The following CNTNAP2 variants were observed in gnomAD, a reference collection of about 807,000 sequenced individuals.
CNTNAP2 encodes contactin-associated protein-like 2.
In CNTNAP2, 98 loss-of-function variants were observed where a neutral mutation model predicts 155.2. The observed-to-expected ratio is 0.63, with a 90% CI of 0.54 to 0.75. The LOEUF (loss-of-function observed/expected upper bound fraction) is 0.75, where lower values mean the gene tolerates loss of function less well. Among genes scored for constraint, CNTNAP2 ranks in the 30% least tolerant of loss-of-function variants. The probability of loss-of-function intolerance (pLI) is 0.00; values close to 1 mark genes in which losing one functional copy is unlikely to be tolerated. For missense variants in CNTNAP2, 1,727 were observed against 1,688.1 expected (o/e 1.02, Z -0.40); for synonymous variants, 651 against 631.2 (o/e 1.03, Z -0.47).
chr7:147,172,638 C>T (rs149465134), intron 8 of CNTNAP2, among the ~76,000 whole-genome samples: 283 of 151,680 alleles, frequency 1.9e-3, no homozygotes, highest in African/African-American at 6.5e-3. Context: ...TAATTAGGCA[C>T]AAAGAGAAAA....
At chr7:147,894,904 G>T (rs1375953859) in intron 13 of CNTNAP2, among the ~76,000 whole-genome samples, 2 of 147,528 alleles carry the variant, frequency 1.4e-5, no homozygotes, top group Non-Finnish European at 3.0e-5. Context: ...CTTGTTATTG[G>T]TGAAAATAAA....
At position 146,861,604 on chromosome 7, in the gene CNTNAP2, G is replaced by T. The variant is rs560120912; in HGVS notation, c.402+21700G>T. Among the ~76,000 whole-genome samples, 4 of 151,894 alleles carry T rather than the reference G, an allele frequency of 2.6e-5. No homozygotes were observed. The East Asian group carries it at 5.8e-4, about 22-fold the overall frequency. On this transcript the variant is annotated intron_variant, in intron 3 of 23. Transcript: ENST00000361727. ...GATTGTGAATCCATCTCTTAGCAGG[G>T]GGTAACCATAAAATTCCCCTCCTAA...
intron 11 of CNTNAP2, among the ~76,000 whole-genome samples, chr7:147,537,920 G>A (rs770033185): frequency 2.6e-5 from 4 of 152,118 alleles, no homozygotes; most frequent in Non-Finnish European, 5.9e-5. Context: ...CATGCTGGAT[G>A]TTAACTAAAG....
intron 13 of CNTNAP2, among the ~76,000 whole-genome samples, chr7:147,850,772 C>G (rs1044688902): frequency 6.6e-6 from 1 of 152,232 alleles, no homozygotes; most frequent in Admixed American, 6.5e-5. Flanking sequence ...AAAATTAATT[C>G]AAGATGGATT....
intron 4 of CNTNAP2, among the ~76,000 whole-genome samples, chr7:147,057,506 G>A (rs189789910): frequency 1.3e-5 from 2 of 152,090 alleles, no homozygotes. Context: ...TGCCATCCTC[G>A]ACATTGTTGA....
chr7:148,126,039 G>A (rs1804710905), intron 16 of CNTNAP2, among the ~76,000 whole-genome samples: 2 of 152,112 alleles, frequency 1.3e-5, no homozygotes, highest in Non-Finnish European at 2.9e-5. Context: ...GATAATATTA[G>A]AGGTACGAAC....
Position 147,300,275 on chromosome 7 carries a change from A to G in CNTNAP2, c.1483A>G (p.Lys495Glu), listed in dbSNP as rs1163946721. The part of the protein sequence containing the change: ...NSPLQVKTGE[K>E]YFFGGFLNQM... ...TCCCCTTCAAGTTAAAACTGGCGAG[A>G]AGTACTTTTTTGGAGGTAAGAATGC... Residue 495 changes from lysine to glutamate, a missense_variant, in exon 9 of 24, where the codon AAG (lysine) becomes GAG (glutamate). Lys to Glu is a moderately conservative substitution (Grantham distance 56). Coordinates refer to ENST00000361727, the MANE Select transcript of CNTNAP2 (RefSeq NM_014141.6). The G allele has an allele frequency of 1.2e-6, 2 of 1,613,876 alleles. No homozygotes were observed. Among genetic ancestry groups the G allele is most frequent in the South Asian group, 1.1e-5 (1 of 91,082 alleles).
At chr7:146,945,966 C>T (rs573935278) in intron 3 of CNTNAP2, among the ~76,000 whole-genome samples, 47 of 152,222 alleles carry the variant, frequency 3.1e-4, no homozygotes, top group Admixed American at 9.8e-4. Context: ...CCATGGCCCA[C>T]CTTCTCCAAT....
chr7:147,856,956 A>G (rs1799049994), intron 13 of CNTNAP2, among the ~76,000 whole-genome samples: 1 of 152,200 alleles, frequency 6.6e-6, no homozygotes, highest in Non-Finnish European at 1.5e-5. Flanking sequence ...TTCCCCAGGA[A>G]AGTTTGTCAC....
intron 8 of CNTNAP2, among the ~76,000 whole-genome samples, chr7:147,136,130 G>T (rs1801472955): frequency 6.6e-6 from 1 of 151,718 alleles, no homozygotes; most frequent in Non-Finnish European, 1.5e-5. Flanking sequence ...GTTGTCGTCT[G>T]CCAATATTAA....
rs386411578 is a variant in CNTNAP2 at position 146,547,845 on chromosome 7, GT to G, written c.98-226414del. 7.5e-4 allele frequency among the ~76,000 whole-genome samples: 111 copies of G among 147,922 alleles called. No individual in the cohort carries two copies. In the South Asian group the frequency reaches 0.015, roughly 19 times the overall value. On this transcript the variant is annotated intron_variant, in intron 1 of 23. Transcript: ENST00000361727. ...CTCACGGTGGAATTACTTTATCATG[GT>G]TTTTTTTTTTTAAAGGAACCTTAAT...
intron 1 of CNTNAP2, among the ~76,000 whole-genome samples, chr7:146,397,871 C>CTTTTTTTTTTTTTTT (rs1438446898): frequency 2.4e-5 from 3 of 126,916 alleles, no homozygotes; most frequent in African/African-American, 3.4e-5. Context: ...ATTTGACAGG[C>CTTTTTTTTTTTTTTT]TTTTATTTAT....
chr7:146,332,179 T>TA (rs1434644893), intron 1 of CNTNAP2, among the ~76,000 whole-genome samples: 5 of 151,806 alleles, frequency 3.3e-5, no homozygotes, highest in African/African-American at 1.2e-4. Flanking sequence ...TTTAAATTTC[T>TA]AAAAATGTAG....
intron 3 of CNTNAP2, among the ~76,000 whole-genome samples, chr7:146,955,650 A>C (rs1797418926): frequency 6.6e-6 from 1 of 152,070 alleles, no homozygotes; most frequent in Admixed American, 6.6e-5. Flanking sequence ...CAACCCTAGA[A>C]ATAATTCTTT....
At chr7:146,415,701 T>A (rs575673989) in intron 1 of CNTNAP2, among the ~76,000 whole-genome samples, 1 of 141,968 alleles carries the variant, frequency 7.0e-6, no homozygotes, top group East Asian at 1.9e-4. Context: ...TTTAAAAAAA[T>A]TTAAAAAAAA....
intron 10 of CNTNAP2, among the ~76,000 whole-genome samples, chr7:147,461,727 T>C (rs1406323708): frequency 6.6e-6 from 1 of 152,090 alleles, no homozygotes; most frequent in African/African-American, 2.4e-5. Context: ...TGAAGAATAA[T>C]TGAATAATGA....
intron 8 of CNTNAP2, among the ~76,000 whole-genome samples, chr7:147,266,829 T>C (rs1199420603): frequency 3.3e-5 from 5 of 152,238 alleles, no homozygotes; most frequent in African/African-American, 1.2e-4. Context: ...TTCCAACTTA[T>C]CTGTTTCTTA....
At chr7:148,096,278 CAT>C (rs1491480219) in intron 15 of CNTNAP2, among the ~76,000 whole-genome samples, 98 of 119,246 alleles carry the variant, frequency 8.2e-4, no homozygotes, top group African/African-American at 2.3e-3. Context: ...TGCATGCATG[CAT>C]GTGTGTGTGT....
intron 9 of CNTNAP2, among the ~76,000 whole-genome samples, chr7:147,323,813 T>A (rs1051463379): frequency 6.6e-6 from 1 of 152,232 alleles, no homozygotes; most frequent in Admixed American, 6.5e-5. Context: ...GAATATTTTT[T>A]AATTACGCAT....
Sources: gnomAD v4.1 joint callset for allele counts (sites outside exome capture counted in the v4.1 genomes callset) on GRCh38, gnomAD v4.1.1 for gene constraint, MANE v1.5 for transcripts, NCBI Gene and HGNC (gene_info 2026-07-23, HGNC 2026-07-21) for gene names.